VPS13B: variants seen among roughly 807,000 people sequenced by gnomAD.
The protein encoded by VPS13B is vacuolar protein sorting 13 homolog B.
In VPS13B, 285 loss-of-function variants were observed where a neutral mutation model predicts 426.4. That is an observed-to-expected ratio of 0.67 (90% CI 0.61 to 0.74). VPS13B has a LOEUF of 0.74. Ranked by LOEUF, VPS13B falls within the 30% of genes least tolerant of loss-of-function variation. The probability of loss-of-function intolerance (pLI) is 0.00; values close to 1 mark genes in which losing one functional copy is unlikely to be tolerated. For synonymous variants in VPS13B, 1,676 were observed against 1,676.4 expected (o/e 1.00, Z 0.01); for missense variants, 4,537 against 4,782.6 (o/e 0.95, Z 1.51).
intron 34 of VPS13B, among the ~76,000 whole-genome samples, chr8:99,658,228 G>A (rs959984719): frequency 8.5e-5 from 13 of 152,058 alleles, no homozygotes; most frequent in African/African-American, 2.2e-4. Flanking sequence ...AAAAGTATGC[G>A]TGCAAAAAGC....
intron 40 of VPS13B, among the ~76,000 whole-genome samples, chr8:99,770,268 A>G (rs1233135285): frequency 2.0e-5 from 3 of 152,174 alleles, no homozygotes; most frequent in South Asian, 4.1e-4. Flanking sequence ...GTTGACCTTT[A>G]TAGTACTGAC....
chr8:99,347,715 C>T (rs1811618041), intron 19 of VPS13B: 1 of 152,316 alleles, frequency 6.6e-6, no homozygotes, highest in African/African-American at 2.4e-5. Context: ...CTGCATCAGC[C>T]TCCCCAGCTC....
At chr8:99,467,266 T>C in intron 23 of VPS13B, 148 bp from the exon 24 acceptor site, 1 of 799,296 alleles carries the variant, frequency 1.3e-6, no homozygotes, top group South Asian at 1.4e-5. Context: ...GTAAATTGTT[T>C]AGCACCGTGG....
intron 61 of VPS13B, 21 bp from the exon 62 acceptor site, chr8:99,875,397 T>TTTA (rs1354697257): frequency 3.7e-6 from 6 of 1,614,018 alleles, no homozygotes; most frequent in Non-Finnish European, 5.1e-6. Flanking sequence ...GCAACTAATC[T>TTTA]TTATTATTTT....
chr8:99,770,707 T>C (rs558727761), intron 40 of VPS13B, among the ~76,000 whole-genome samples: 61 of 152,328 alleles, frequency 4.0e-4, no homozygotes, highest in African/African-American at 1.4e-3. Flanking sequence ...ATTCCTCTTC[T>C]GCCTTCTAAG....
At chr8:99,666,054 C>G (rs1321904700) in intron 35 of VPS13B, among the ~76,000 whole-genome samples, 1 of 152,112 alleles carries the variant, frequency 6.6e-6, no homozygotes, top group African/African-American at 2.4e-5. Context: ...AGTTGGATTC[C>G]TAGGTATTTT....
At chr8:99,856,291 CTG>C (rs1816542873) in intron 56 of VPS13B, among the ~76,000 whole-genome samples, 1 of 152,168 alleles carries the variant, frequency 6.6e-6, no homozygotes, top group Non-Finnish European at 1.5e-5. Context: ...GTTGGAAACT[CTG>C]TCACTAAAAA....
At chr8:99,571,915 T>C (rs1825496311) in intron 31 of VPS13B, among the ~76,000 whole-genome samples, 1 of 152,190 alleles carries the variant, frequency 6.6e-6, no homozygotes, top group Non-Finnish European at 1.5e-5. Context: ...ATTTGCTTTT[T>C]TGGCAGACAC....
Position 99,646,577 on chromosome 8 carries a change from C to T in VPS13B, c.5908+4079C>T, listed in dbSNP as rs183476604. Among the ~76,000 whole-genome samples, 11 of 152,190 alleles carry T rather than the reference C, an allele frequency of 7.2e-5. No individual in the cohort carries two copies. In the East Asian group the frequency reaches 7.7e-4, roughly 11 times the overall value. On this transcript the variant is annotated intron_variant, in intron 34 of 61. Transcript: ENST00000357162. ...TAAGGTAACTCCAGTGGCAACTGGC[C>T]AATAGCAATTTTTGCACATATGTAT...
At chr8:99,666,176 G>A (rs1830476981) in intron 35 of VPS13B, among the ~76,000 whole-genome samples, 1 of 152,146 alleles carries the variant, frequency 6.6e-6, no homozygotes. Flanking sequence ...CTGAAACTTT[G>A]CTGAAGTTGC....
At chr8:99,107,190 T>C (rs1588044408) in intron 5 of VPS13B, among the ~76,000 whole-genome samples, 1 of 152,128 alleles carries the variant, frequency 6.6e-6, no homozygotes, top group African/African-American at 2.4e-5. Flanking sequence ...ATAAGAATTG[T>C]AATATCTTTG....
intron 17 of VPS13B, among the ~76,000 whole-genome samples, chr8:99,249,488 G>T (rs1052770241): frequency 2.0e-5 from 3 of 148,682 alleles, no homozygotes; most frequent in African/African-American, 7.5e-5. Context: ...GTACAGTGGC[G>T]CGGTCTCGGC....
At chr8:99,309,046 A>G (rs1275324713) in intron 19 of VPS13B, among the ~76,000 whole-genome samples, 1 of 151,830 alleles carries the variant, frequency 6.6e-6, no homozygotes, top group African/African-American at 2.4e-5. Flanking sequence ...TTTTCTTGTA[A>G]ATTTGTTTGA....
At chr8:99,694,658 C>T (rs1431853964) in intron 35 of VPS13B, among the ~76,000 whole-genome samples, 3 of 137,994 alleles carry the variant, frequency 2.2e-5, no homozygotes, top group Admixed American at 7.3e-5. Context: ...ATGTCCAAAA[C>T]ACCAAAAGCA....
At chr8:99,672,245 T>A (rs1830745726) in intron 35 of VPS13B, among the ~76,000 whole-genome samples, 1 of 152,184 alleles carries the variant, frequency 6.6e-6, no homozygotes, top group African/African-American at 2.4e-5. Flanking sequence ...ATGGACATTT[T>A]AATAATATTA....
chr8:99,260,897 T>G (rs1390309559), intron 17 of VPS13B, among the ~76,000 whole-genome samples: 2 of 152,114 alleles, frequency 1.3e-5, no homozygotes, highest in African/African-American at 4.8e-5. Flanking sequence ...CAATCAAAGT[T>G]AAGTAAATAA....
intron 17 of VPS13B, among the ~76,000 whole-genome samples, chr8:99,254,906 G>T (rs1265350852): frequency 6.6e-6 from 1 of 152,154 alleles, no homozygotes; most frequent in Non-Finnish European, 1.5e-5. Flanking sequence ...GCCTCCCAAA[G>T]TGCTGGGATT....
chr8:99,287,373 G>C (rs1335558631), intron 19 of VPS13B, among the ~76,000 whole-genome samples: 1 of 151,674 alleles, frequency 6.6e-6, no homozygotes, highest in East Asian at 1.9e-4. Flanking sequence ...GATATATGTA[G>C]CTATCTACAC....
intron 35 of VPS13B, among the ~76,000 whole-genome samples, chr8:99,678,850 C>T (rs1013969306): frequency 5.9e-5 from 9 of 152,216 alleles, no homozygotes; most frequent in Middle Eastern, 3.4e-3. Flanking sequence ...AATTCTTTCC[C>T]TTTATTTACC....
Sources: gnomAD v4.1 joint callset for allele counts (sites outside exome capture counted in the v4.1 genomes callset) on GRCh38, gnomAD v4.1.1 for gene constraint, MANE v1.5 for transcripts, NCBI Gene and HGNC (gene_info 2026-07-23, HGNC 2026-07-21) for gene names.